The following KCNG3 variants were observed in gnomAD, a reference collection of about 807,000 sequenced individuals.
The protein encoded by KCNG3 is potassium voltage-gated channel modifier subfamily G member 3, also known as voltage-gated potassium channel regulatory subunit KCNG3.
Under a neutral mutation model 29.0 loss-of-function variants are expected in KCNG3, and 15 were observed. That is an observed-to-expected ratio of 0.52 (90% CI 0.35 to 0.80). The LOEUF (loss-of-function observed/expected upper bound fraction) is 0.80, where lower values mean the gene tolerates loss of function less well. Among genes scored for constraint, KCNG3 ranks in the 30% least tolerant of loss-of-function variants. The pLI, the probability that KCNG3 is intolerant of heterozygous loss-of-function variation, is 0.01. For missense variants in KCNG3, 512 were observed against 605.7 expected, an observed-to-expected ratio of 0.85 and a Z score of 1.62; for synonymous variants, 322 against 248.9, an observed-to-expected ratio of 1.29 and a Z score of -2.76.
At chr2:42,473,190 C>T (rs948140672) in intron 1 of KCNG3, among the ~76,000 whole-genome samples, 1 of 151,984 alleles carries the variant, frequency 6.6e-6, no homozygotes, top group African/African-American at 2.4e-5. Flanking sequence ...GCCACCGCGT[C>T]CGGCCCTCAA....
At position 42,493,316 on chromosome 2, in the gene KCNG3, G is replaced by A. The variant is rs1357015006; in HGVS notation, c.186C>T (p.Phe62=). The part of the protein sequence containing the change: ...DDYDRERNEY[F]FDRHSEAFGF... ...CGAAGGCCTCCGAGTGCCGGTCGAA[G>A]AAGTACTCGTTGCGCTCGCGGTCGT... is the stretch of plus-strand genomic sequence containing the variant. Residue 62 remains phenylalanine (F), a synonymous_variant, in exon 1 of 2, where the codon TTC becomes TTT. Transcript: ENST00000306078. The A allele has an allele frequency of 4.3e-6, 7 of 1,609,544 alleles. No homozygotes were observed. The highest frequency in any genetic ancestry group is 3.3e-5 in the South Asian group (3 of 90,626).
At chr2:42,428,225 C>T in the KCNG3 span, among the ~76,000 whole-genome samples, 12 of 150,810 alleles carry the variant, frequency 8.0e-5, no homozygotes, top group Non-Finnish European at 1.6e-4. Flanking sequence ...TTTGGGAGGC[C>T]GAGGCAGGTG....
intron 1 of KCNG3, among the ~76,000 whole-genome samples, chr2:42,460,577 G>C (rs1672990157): frequency 6.6e-6 from 1 of 152,054 alleles, no homozygotes; most frequent in South Asian, 2.1e-4. Flanking sequence ...TCTTCATCTG[G>C]GAGACCACGG....
At chr2:42,472,864 A>AAT (rs955890057) in intron 1 of KCNG3, among the ~76,000 whole-genome samples, 14 of 146,114 alleles carry the variant, frequency 9.6e-5, no homozygotes, top group South Asian at 8.6e-4. Context: ...ATAATCTATA[A>AAT]ATATATATAT....
chr2:42,493,022 G>A lies in KCNG3; in HGVS notation c.480C>T (p.Thr160=), dbSNP rs1257419230. ...CCAGCGACGACGTGGGCTCCTCGAA[G>A]GTCCGCCGCATGCGCTCCAGCCAGC... ...SRRWLERMRR[T]FEEPTSSLAA... Residue 160 remains threonine (T), a synonymous_variant, in exon 1 of 2, where the codon ACC becomes ACT. Coordinates refer to ENST00000306078, the MANE Select transcript of KCNG3 (RefSeq NM_133329.6). 9 of 1,523,462 alleles carry A rather than the reference G, an allele frequency of 5.9e-6. No individual in the cohort carries two copies. In the Admixed American group the frequency reaches 1.5e-4, roughly 25 times the overall value. The allele number at this position is 1,523,462 out of a possible 1,614,324, so 94.4% of individuals were successfully genotyped here. A position where few individuals can be genotyped will look rare whatever the true frequency, so the allele number is the denominator to read the frequency against.
intron 1 of KCNG3, among the ~76,000 whole-genome samples, chr2:42,457,332 A>AG (rs1672900208): frequency 6.9e-6 from 1 of 145,596 alleles, no homozygotes. Context: ...AAAATACAGA[A>AG]AAAAAAAAAA....
the KCNG3 span, among the ~76,000 whole-genome samples, chr2:42,398,697 G>C: frequency 6.6e-6 from 1 of 152,218 alleles, no homozygotes; most frequent in Non-Finnish European, 1.5e-5. Flanking sequence ...AAAGATGCGA[G>C]AGGCAAGGGG....
intron 1 of KCNG3, among the ~76,000 whole-genome samples, chr2:42,482,249 G>A (rs1318658912): frequency 6.6e-6 from 1 of 152,186 alleles, no homozygotes; most frequent in East Asian, 1.9e-4. Context: ...ACATGAATGG[G>A]GAGCCATAAA....
At chr2:42,427,432 C>A in the KCNG3 span, among the ~76,000 whole-genome samples, 1 of 136,264 alleles carries the variant, frequency 7.3e-6, no homozygotes. Flanking sequence ...TGGCAAAACC[C>A]CATCTCTATT....
intron 1 of KCNG3, among the ~76,000 whole-genome samples, chr2:42,459,536 T>C (rs1672964041): frequency 1.3e-5 from 2 of 152,156 alleles, no homozygotes; most frequent in African/African-American, 4.8e-5. Flanking sequence ...CATATTAACC[T>C]GGATGTGGCT....
intron 1 of KCNG3, among the ~76,000 whole-genome samples, chr2:42,477,422 C>CACACAGACACAT (rs11280811): frequency 2.5e-4 from 10 of 40,786 alleles, no homozygotes; most frequent in African/African-American, 6.6e-4. Flanking sequence ...CACACACACA[C>CACACAGACACAT]ATATATTTTT....
chr2:42,459,846 G>A (rs2103687474), intron 1 of KCNG3, among the ~76,000 whole-genome samples: 1 of 152,042 alleles, frequency 6.6e-6, no homozygotes, highest in South Asian at 2.1e-4. Context: ...CATGGTGGCG[G>A]ACACCTGTAG....
Position 42,493,286 on chromosome 2 carries a change from G to A in KCNG3, c.216C>T (p.Phe72=). 6.2e-7 allele frequency: 1 copy of A among 1,612,006 alleles called. No individual in the cohort carries two copies. Among genetic ancestry groups the A allele is most frequent in the Middle Eastern group, 1.7e-4 (1 of 6,058 alleles). ...CGTGGCCGCGCACGTAGAGCAGGATGAAGCCGAAGGCCTCCGAGTGCCGGT... is the reference window on the plus strand; with the variant it reads ...CGTGGCCGCGCACGTAGAGCAGGATAAAGCCGAAGGCCTCCGAGTGCCGGT... ...FFDRHSEAFG[F]ILLYVRGHGK... Residue 72 remains phenylalanine, a synonymous_variant, in exon 1 of 2, where the codon TTC becomes TTT. Transcript: ENST00000306078.
At chr2:42,427,142 T>C in the KCNG3 span, among the ~76,000 whole-genome samples, 5 of 152,318 alleles carry the variant, frequency 3.3e-5, no homozygotes, top group East Asian at 7.7e-4. Context: ...AAGGCTACCT[T>C]TGATATAAGG....
Position 42,444,560 on chromosome 2 carries a change from T to G in KCNG3, c.685A>C (p.Ile229Leu). The change falls in exon 2 of 2, where the codon ATA (isoleucine) becomes CTA (leucine). Residue 229 changes from isoleucine (I) to leucine (L), a missense_variant. By Grantham distance (5) the Ile-to-Leu change is conservative (BLOSUM62 2). Coordinates refer to ENST00000306078, the MANE Select transcript of KCNG3 (RefSeq NM_133329.6). The surrounding 1 kb of genome is among the most constrained non-coding windows in gnomAD (Gnocchi z 5.8). ...ATGCACTCGGCAGTGAACCAACCTA[T>G]GCAGATAGCTTCAATTATCCTGTCA... ...EPSGIIEAIC[I>L]GWFTAECIVR... The G allele has an allele frequency of 6.2e-7, 1 of 1,607,200 alleles. No individual in the cohort carries two copies. Among genetic ancestry groups the G allele is most frequent in the Non-Finnish European group, 8.5e-7 (1 of 1,176,210 alleles).
At chr2:42,445,515 C>G (rs1572840252) in intron 1 of KCNG3, among the ~76,000 whole-genome samples, 1 of 152,274 alleles carries the variant, frequency 6.6e-6, no homozygotes, top group East Asian at 1.9e-4. Context: ...AAGGTCCCAG[C>G]AGAAACGAGG....
At chr2:42,487,099 GTGAGCTGAGAT>G (rs911962047) in intron 1 of KCNG3, among the ~76,000 whole-genome samples, 4 of 148,306 alleles carry the variant, frequency 2.7e-5, no homozygotes, top group African/African-American at 9.9e-5. Context: ...AGAGGTTGCA[GTGAGCTGAGAT>G]CGTGCCACTG....
At chr2:42,445,720 A>C (rs1221265759) in intron 1 of KCNG3, among the ~76,000 whole-genome samples, 1 of 124,480 alleles carries the variant, frequency 8.0e-6, no homozygotes, top group African/African-American at 2.7e-5. Flanking sequence ...ACTGCAGTCA[A>C]GGGATAGGAT....
intron 1 of KCNG3, among the ~76,000 whole-genome samples, chr2:42,487,646 T>A (rs1673760800): frequency 6.6e-6 from 1 of 152,204 alleles, no homozygotes; most frequent in Admixed American, 6.5e-5. Flanking sequence ...CGCTCTCTCC[T>A]ATATTGCTGG....
Sources: allele counts gnomAD v4.1 joint callset (sites outside exome capture counted in the v4.1 genomes callset), GRCh38; gene constraint gnomAD v4.1.1; non-coding constraint Gnocchi (gnomAD v3.1); transcripts MANE v1.5; gene names NCBI Gene and HGNC (gene_info 2026-07-23, HGNC 2026-07-21).